The following GDF6 variants were observed in gnomAD, a reference collection of about 807,000 sequenced individuals.
GDF6 encodes the protein growth/differentiation factor 6.
In GDF6, 3 loss-of-function variants were observed where a neutral mutation model predicts 32.4. The observed-to-expected ratio is 0.09, with a 90% confidence interval of 0.04 to 0.24. The LOEUF is 0.24. Among genes scored for constraint, GDF6 ranks in the 10% least tolerant of loss-of-function variants. GDF6 has a pLI of 1.00. For missense variants in GDF6, 589 were observed against 637.9 expected (o/e 0.92, Z 0.83); for synonymous variants, 296 against 295.3 (o/e 1.00, Z -0.03).
chr8:96,148,241 C>G (rs886301745), intron 1 of GDF6, among the ~76,000 whole-genome samples: 2 of 152,248 alleles, frequency 1.3e-5, no homozygotes, highest in Non-Finnish European at 2.9e-5. Context: ...AGGGGCCTCA[C>G]CTGTGAGCAT....
rs1812748674 is a variant in GDF6, at chr8:96,160,790, G to C, written c.-98C>G. ...GACAGCGGCCGGGGCCCGGCTCCTCGGGCGGACTCGGAGTGCGAGGAGCCG... is the reference window on the plus strand; with the variant it reads ...GACAGCGGCCGGGGCCCGGCTCCTCCGGCGGACTCGGAGTGCGAGGAGCCG... On this transcript the variant is annotated 5_prime_UTR_variant, in exon 1 of 2. Coordinates refer to ENST00000287020, the MANE Select transcript of GDF6 (RefSeq NM_001001557.4). The C allele has an allele frequency of 8.2e-6, 10 of 1,225,774 alleles. No homozygotes were observed. Among genetic ancestry groups the C allele is most frequent in the South Asian group, 1.4e-5 (1 of 71,804 alleles). The allele number at this position is 1,225,774 out of a possible 1,614,324, so 75.9% of individuals were successfully genotyped here.
intron 1 of GDF6, among the ~76,000 whole-genome samples, chr8:96,154,940 T>C (rs1220350685): frequency 1.3e-5 from 2 of 152,180 alleles, no homozygotes; most frequent in Non-Finnish European, 2.9e-5. Context: ...TGCAGTGCCC[T>C]GCGTTCCCCG....
At position 96,160,310 on chromosome 8, in the gene GDF6, G is replaced by A. The variant is rs747736142; in HGVS notation, c.383C>T (p.Thr128Ile). Residue 128 changes from threonine (T) to isoleucine (I), a missense_variant, in exon 1 of 2, where the codon ACC becomes ATC. Thr to Ile is a moderately conservative substitution (Grantham distance 89, BLOSUM62 -1). Around this residue, in one of 2 missense-constraint regions of GDF6, gnomAD observed 436 missense variants for 411.2 expected, o/e 1.06. Transcript: ENST00000287020. ...FQSSKSANTI[T>I]SFVDRGLDDL... is the part of the protein sequence containing the mutation. ...ACCTAGTCCCCTGTCTACAAAGCTG[G>A]TGATCGTATTAGCCGACTTGGAAGA... is the stretch of plus-strand genomic sequence containing the variant. 1.2e-6 allele frequency: 2 copies of A among 1,614,268 alleles called. No individual in the cohort carries two copies. Among genetic ancestry groups the A allele is most frequent in the African/African-American group, 1.3e-5 (1 of 75,076 alleles).
intron 1 of GDF6, among the ~76,000 whole-genome samples, chr8:96,157,514 G>A (rs1812688899): frequency 6.6e-6 from 1 of 152,104 alleles, no homozygotes; most frequent in Non-Finnish European, 1.5e-5. Context: ...CGGCTCCACC[G>A]AGCCAGGCCA....
chr8:96,154,582 C>T (rs1563512568), intron 1 of GDF6, among the ~76,000 whole-genome samples: 1 of 152,164 alleles, frequency 6.6e-6, no homozygotes, highest in East Asian at 1.9e-4. Context: ...CATTCCACAC[C>T]TCGAGGGCTC....
intron 1 of GDF6, among the ~76,000 whole-genome samples, chr8:96,158,401 C>G (rs1812706686): frequency 6.6e-6 from 1 of 152,230 alleles, no homozygotes; most frequent in African/African-American, 2.4e-5. Context: ...TTTTCCCCAA[C>G]CCTTGTCTGA....
chr8:96,148,035 T>C (rs1308301124), intron 1 of GDF6, among the ~76,000 whole-genome samples: 5 of 152,254 alleles, frequency 3.3e-5, no homozygotes, highest in African/African-American at 4.8e-5. Context: ...ATGATTAATT[T>C]GCACAGCTGA....
chr8:96,147,600 A>G (rs1812506446), intron 1 of GDF6, among the ~76,000 whole-genome samples: 1 of 152,270 alleles, frequency 6.6e-6, no homozygotes, highest in South Asian at 2.1e-4. Flanking sequence ...TTCCCATTTT[A>G]CAGATGAGAA....
chr8:96,156,387 T>TCTCTCTCTCTTTCC (rs1554572234), intron 1 of GDF6, among the ~76,000 whole-genome samples: 1 of 132,614 alleles, frequency 7.5e-6, no homozygotes, highest in African/African-American at 3.4e-5. Flanking sequence ...CCTCTCTCTC[T>TCTCTCTCTCTTTCC]CTCTCTCTCT....
At position 96,145,253 on chromosome 8, in the gene GDF6, C is replaced by G; in HGVS notation, c.678G>C (p.Trp226Cys). 1 of 1,526,516 alleles carries G rather than the reference C, an allele frequency of 6.6e-7. No individual in the cohort carries two copies. 94.6% of individuals were successfully genotyped at this position (1,526,516 alleles called of 1,614,324 possible). Residue 226 changes from tryptophan to cysteine, a missense_variant, in exon 2 of 2, where the codon TGG (tryptophan) becomes TGC (cysteine). By Grantham distance (215) the Trp-to-Cys change is radical. Transcript: ENST00000287020. This position sits in a 1 kb window ranked among gnomAD's most constrained non-coding sequence, Gnocchi z 5.6. ...CCCGCAGCTCCAAGCACAGCTGCTTCCAGGGCTGGTGGCGCAGGCCCTGCC... is the reference window on the plus strand; with the variant it reads ...CCCGCAGCTCCAAGCACAGCTGCTTGCAGGGCTGGTGGCGCAGGCCCTGCC... The part of the protein sequence containing the change: ...DVWQGLRHQP[W>C]KQLCLELRAA...
intron 1 of GDF6, among the ~76,000 whole-genome samples, chr8:96,149,503 T>TGCCTTCTATG (rs1355270260): frequency 6.6e-6 from 1 of 152,180 alleles, no homozygotes; most frequent in African/African-American, 2.4e-5. Context: ...TGTTAGAAGA[T>TGCCTTCTATG]ACTCCTTCAT....
chr8:96,157,232 C>T (rs2130231790), intron 1 of GDF6, among the ~76,000 whole-genome samples: 1 of 151,790 alleles, frequency 6.6e-6, no homozygotes, highest in South Asian at 2.1e-4. Context: ...TTTTTTTTCC[C>T]CAATAAGTTC....
At chr8:96,150,737 CCTGCAGCCATG>C (rs1812554748) in intron 1 of GDF6, among the ~76,000 whole-genome samples, 1 of 152,272 alleles carries the variant, frequency 6.6e-6, no homozygotes, top group Admixed American at 6.5e-5. Context: ...TGACCCCAGT[CCTGCAGCCATG>C]CTGCTCTACC....
At chr8:96,146,573 A>T (rs1410296615) in intron 1 of GDF6, among the ~76,000 whole-genome samples, 1 of 152,102 alleles carries the variant, frequency 6.6e-6, no homozygotes, top group Non-Finnish European at 1.5e-5. Flanking sequence ...GAACAAACAC[A>T]CACACCTTGC....
Position 96,145,599 on chromosome 8 carries a change from G to C in GDF6, c.407-75C>G. The C allele has an allele frequency of 6.3e-7, 1 of 1,578,336 alleles. No homozygotes were observed. On this transcript the variant is annotated intron_variant, in intron 1 of 1. Transcript: ENST00000287020. This position sits in a 1 kb window ranked among gnomAD's most constrained non-coding sequence, Gnocchi z 5.6. Reference sequence around the variant, plus strand: ...GCCCGGTGCTCTTCGGCCGCCCCGGGAGGAAAAGGGCGGGGAGTGGGGGCA... The same window carrying C: ...GCCCGGTGCTCTTCGGCCGCCCCGGCAGGAAAAGGGCGGGGAGTGGGGGCA...
intron 1 of GDF6, among the ~76,000 whole-genome samples, chr8:96,146,681 TAC>T (rs370283680): frequency 0.12 from 17,182 of 145,726 alleles, 1,624 homozygotes; most frequent in African/African-American, 0.26. Flanking sequence ...GACAATTAGA[TAC>T]ACACACACAC....
At position 96,145,738 on chromosome 8, in the gene GDF6, G is replaced by C. The variant is rs958419622; in HGVS notation, c.407-214C>G. Among the ~76,000 whole-genome samples, 1 of 152,222 alleles carries C rather than the reference G, an allele frequency of 6.6e-6. No individual in the cohort carries two copies. The highest frequency in any genetic ancestry group is 2.1e-4 in the South Asian group (1 of 4,824). On this transcript the variant is annotated intron_variant, in intron 1 of 1. Coordinates refer to ENST00000287020, the MANE Select transcript of GDF6 (RefSeq NM_001001557.4). This position sits in a 1 kb window ranked among gnomAD's most constrained non-coding sequence, Gnocchi z 5.6. ...CGCCAGGACGGGCCCCCTCCTTCGC[G>C]TCAGCTCCGGACTCTCAGGGCGGAA...
intron 1 of GDF6, among the ~76,000 whole-genome samples, chr8:96,150,395 C>T (rs1812549445): frequency 6.6e-6 from 1 of 152,230 alleles, no homozygotes; most frequent in Non-Finnish European, 1.5e-5. Flanking sequence ...GGAGAATCAC[C>T]CATCTTTGCA....
intron 1 of GDF6, among the ~76,000 whole-genome samples, chr8:96,152,065 C>T (rs2130221560): frequency 6.6e-6 from 1 of 152,356 alleles, no homozygotes; most frequent in Admixed American, 6.5e-5. Context: ...ATCCAGTTCT[C>T]TGGACTTCAG....
Sources: gnomAD v4.1 joint callset for allele counts (sites outside exome capture counted in the v4.1 genomes callset) on GRCh38, gnomAD v4.1.1 for gene constraint, gnomAD v4.1.1 regional missense constraint, Gnocchi (gnomAD v3.1) non-coding constraint, MANE v1.5 for transcripts, NCBI Gene and HGNC (gene_info 2026-07-23, HGNC 2026-07-21) for gene names.